The following RGS7 variants were observed in gnomAD, a reference collection of about 807,000 sequenced individuals.
The protein encoded by RGS7 is regulator of G-protein signaling 7.
Under a neutral mutation model 81.1 loss-of-function variants are expected in RGS7, and 27 were observed. That is an observed-to-expected ratio of 0.33 (90% CI 0.25 to 0.46). The LOEUF (loss-of-function observed/expected upper bound fraction) is 0.46, where lower values mean the gene tolerates loss of function less well. RGS7 is among the 20% of genes least tolerant of loss of function. The pLI is 1.00. For synonymous variants in RGS7, 208 were observed against 207.7 expected (o/e 1.00, Z -0.01); for missense variants, 396 against 607.4 (o/e 0.65, Z 3.66).
In RGS7 at chr1:241,167,275, G is replaced by A. The variant is rs566359682; in HGVS notation, c.79-68513C>T. 1.4e-4 allele frequency among the ~76,000 whole-genome samples: 22 copies of A among 152,234 alleles called. No individual in the cohort carries two copies. In the East Asian group the frequency reaches 2.7e-3, roughly 19 times the overall value. On this transcript the variant is annotated intron_variant, in intron 2 of 18. Transcript: ENST00000440928. ...AATACATACAAATACGTGTTTGGCC[G>A]GGGGCAGACTGAAGCAGATTGTTGG...
intron 9 of RGS7, among the ~76,000 whole-genome samples, chr1:240,840,940 GTA>G (rs952460344): frequency 3.3e-5 from 5 of 150,460 alleles, no homozygotes; most frequent in Non-Finnish European, 7.3e-5. Context: ...TTGCTTGTGT[GTA>G]TGTGTGTGTG....
intron 5 of RGS7, among the ~76,000 whole-genome samples, chr1:240,932,945 G>T (rs1490889844): frequency 7.6e-6 from 1 of 131,072 alleles, no homozygotes. Context: ...CTGCAGTGGC[G>T]CGATCTCGGC....
chr1:241,188,432 C>T (rs966230566), intron 2 of RGS7, among the ~76,000 whole-genome samples: 7 of 151,904 alleles, frequency 4.6e-5, no homozygotes, highest in Non-Finnish European at 8.8e-5. Flanking sequence ...ATTCAATAAA[C>T]AGGAAATATG....
chr1:241,132,857 G>T (rs1009947775), intron 2 of RGS7, among the ~76,000 whole-genome samples: 1 of 152,086 alleles, frequency 6.6e-6, no homozygotes, highest in Non-Finnish European at 1.5e-5. Context: ...CTGCCTCCTG[G>T]GTTCACGCCA....
chr1:240,998,816 G>T, intron 3 of RGS7: 1 of 618,742 alleles, frequency 1.6e-6, no homozygotes, highest in Non-Finnish European at 3.1e-6. Context: ...GTGTGGGGCT[G>T]GCGCTGCCGG....
intron 2 of RGS7, among the ~76,000 whole-genome samples, chr1:241,117,108 A>T (rs907268343): frequency 2.0e-5 from 3 of 152,186 alleles, no homozygotes; most frequent in African/African-American, 7.2e-5. Context: ...CAAAAAAAAC[A>T]CGGCAAAAAT....
intron 3 of RGS7, among the ~76,000 whole-genome samples, chr1:241,020,341 A>G (rs575839638): frequency 5.3e-5 from 8 of 152,162 alleles, no homozygotes; most frequent in Non-Finnish European, 1.2e-4. Context: ...CAAAATCAAG[A>G]TGTTGACAGG....
chr1:240,953,384 A>T (rs959274011), intron 4 of RGS7, among the ~76,000 whole-genome samples: 2 of 151,920 alleles, frequency 1.3e-5, no homozygotes, highest in Admixed American at 1.3e-4. Context: ...GAAATCATAC[A>T]AAGTATATTC....
chr1:241,051,464 C>T (rs560915293), intron 3 of RGS7, among the ~76,000 whole-genome samples: 1 of 134,790 alleles, frequency 7.4e-6, no homozygotes, highest in East Asian at 1.9e-4. Flanking sequence ...CAGAAGCCAA[C>T]CAATATAGCA....
At chr1:241,289,392 CTTGA>C (rs1236710135) in intron 2 of RGS7, among the ~76,000 whole-genome samples, 4 of 152,198 alleles carry the variant, frequency 2.6e-5, no homozygotes, top group African/African-American at 9.7e-5. Flanking sequence ...GATCCACAAC[CTTGA>C]TTTAGTGGTC....
chr1:241,026,919 T>C (rs1289605403), intron 3 of RGS7, among the ~76,000 whole-genome samples: 1 of 151,654 alleles, frequency 6.6e-6, no homozygotes, highest in Non-Finnish European at 1.5e-5. Flanking sequence ...AAGGGTTTTG[T>C]ACGCGTAAGA....
rs116819874 is a variant in RGS7, at chr1:241,168,386, T to C, written c.79-69624A>G. Among the ~76,000 whole-genome samples the C allele has an allele frequency of 7.1e-3, 1,086 of 152,288 alleles. 19 individuals are homozygous for C. The highest frequency in any genetic ancestry group is 0.025 in the African/African-American group (1,052 of 41,552). Reference sequence around the variant, plus strand: ...ACAAGTGATACTTATTTTTATCAAGTTAGTTGACAAATAGAAATTTCTCTG... The same window carrying C: ...ACAAGTGATACTTATTTTTATCAAGCTAGTTGACAAATAGAAATTTCTCTG... On this transcript the variant is annotated intron_variant, in intron 2 of 18. Transcript: ENST00000440928.
At chr1:240,826,286 T>G (rs1014403651) in intron 10 of RGS7, among the ~76,000 whole-genome samples, 1 of 152,172 alleles carries the variant, frequency 6.6e-6, no homozygotes, top group Non-Finnish European at 1.5e-5. Context: ...TTGGACCATA[T>G]TGGGGCCTTT....
chr1:240,827,226 C>G (rs1692993708), intron 9 of RGS7, 54 bp from the exon 10 acceptor site: 7 of 1,389,292 alleles, frequency 5.0e-6, no homozygotes, highest in Non-Finnish European at 7.2e-6. Context: ...AAATTTCTGA[C>G]CAGGACAATC....
At chr1:241,117,854 T>C (rs2065979568) in intron 2 of RGS7, among the ~76,000 whole-genome samples, 1 of 152,128 alleles carries the variant, frequency 6.6e-6, no homozygotes, top group Non-Finnish European at 1.5e-5. Context: ...CTGGGGACAA[T>C]AGCCGGTAAT....
At chr1:241,010,736 T>G (rs1455218690) in intron 3 of RGS7, among the ~76,000 whole-genome samples, 4 of 152,198 alleles carry the variant, frequency 2.6e-5, no homozygotes, top group Non-Finnish European at 5.9e-5. Flanking sequence ...TCTCAGCCAA[T>G]GCACTAATTT....
At chr1:241,316,053 C>G (rs1007702567) in intron 2 of RGS7, among the ~76,000 whole-genome samples, 1 of 152,198 alleles carries the variant, frequency 6.6e-6, no homozygotes, top group African/African-American at 2.4e-5. Context: ...TTCTCCTACT[C>G]TACTTTCATA....
At chr1:240,793,738 T>TA (rs1686506251) in intron 18 of RGS7, among the ~76,000 whole-genome samples, 1 of 150,302 alleles carries the variant, frequency 6.7e-6, no homozygotes, top group South Asian at 2.1e-4. Context: ...GCCTCCCGAG[T>TA]AGCTGGGACT....
chr1:241,292,716 C>A (rs1037111432), intron 2 of RGS7, among the ~76,000 whole-genome samples: 3 of 152,142 alleles, frequency 2.0e-5, no homozygotes, highest in African/African-American at 4.8e-5. Context: ...TATGGCCAAG[C>A]AGCCTAATCT....
Sources: allele counts gnomAD v4.1 joint callset (sites outside exome capture counted in the v4.1 genomes callset), GRCh38; gene constraint gnomAD v4.1.1; transcripts MANE v1.5; gene names NCBI Gene and HGNC (gene_info 2026-07-23, HGNC 2026-07-21).